The following ACAD11 variants were observed in gnomAD, a reference collection of about 807,000 sequenced individuals.
ACAD11 encodes the protein acyl-Coenzyme A dehydrogenase family, member 11.
A neutral mutation model predicts 102.2 loss-of-function variants in ACAD11; 83 were observed. The ratio of observed to expected loss-of-function variants is 0.81; its 90% CI spans 0.68 to 0.97. The LOEUF is 0.97. Ranked by LOEUF, ACAD11 falls within the 50% of genes least tolerant of loss-of-function variation. ACAD11 has a pLI of 0.00. For missense variants in ACAD11, 901 were observed against 951.7 expected (o/e 0.95, Z 0.70); for synonymous variants, 324 against 319.8 (o/e 1.01, Z -0.14).
At chr3:132,633,153 G>A (rs2107869434) in intron 5 of ACAD11, among the ~76,000 whole-genome samples, 1 of 152,330 alleles carries the variant, frequency 6.6e-6, no homozygotes, top group East Asian at 1.9e-4. Flanking sequence ...TCTTGTGCCA[G>A]TTTTCAAAGT....
chr3:132,569,684 G>A (rs915351193), intron 17 of ACAD11, among the ~76,000 whole-genome samples: 3 of 152,090 alleles, frequency 2.0e-5, no homozygotes, highest in African/African-American at 4.8e-5. Context: ...ATAAATCTCC[G>A]AGAAATTATG....
At position 132,644,894 on chromosome 3, in the gene ACAD11, GCT is replaced by G; in HGVS notation, c.150_151del (p.Arg50SerfsTer30). On this transcript the variant is annotated frameshift_variant and splice_region_variant, in exon 2 of 20. Coordinates refer to ENST00000264990, the MANE Select transcript of ACAD11 (RefSeq NM_032169.5). LOFTEE classifies it high-confidence loss of function. Reference sequence around the variant, plus strand: ...ATAAAAGGTTGGATTGGACTTTCCTGCTCTAGATAAAAGTAAAAAAAAAAAAG... The same window carrying G: ...ATAAAAGGTTGGATTGGACTTTCCTGCTAGATAAAAGTAAAAAAAAAAAAG... The G allele has an allele frequency of 6.3e-7, 1 of 1,588,324 alleles. No individual in the cohort carries two copies. Among genetic ancestry groups the G allele is most frequent in the Non-Finnish European group, 8.6e-7 (1 of 1,166,326 alleles).
At chr3:132,652,271 C>T (rs1266610548) in intron 1 of ACAD11, among the ~76,000 whole-genome samples, 1 of 152,164 alleles carries the variant, frequency 6.6e-6, no homozygotes, top group East Asian at 1.9e-4. Flanking sequence ...TCTTGCCTGA[C>T]TTCATGTAAG....
intron 5 of ACAD11, among the ~76,000 whole-genome samples, chr3:132,633,699 T>C (rs1034770173): frequency 1.3e-5 from 2 of 152,022 alleles, no homozygotes; most frequent in African/African-American, 4.8e-5. Context: ...GTACTGGTAC[T>C]AAAACAGAGT....
At chr3:132,609,171 T>A (rs1036138434) in intron 11 of ACAD11, among the ~76,000 whole-genome samples, 1 of 152,158 alleles carries the variant, frequency 6.6e-6, no homozygotes, top group Admixed American at 6.6e-5. Flanking sequence ...TAGCACTAAA[T>A]GCCCACAGGA....
At chr3:132,643,645 GA>G (rs1940607444) in intron 2 of ACAD11, among the ~76,000 whole-genome samples, 1 of 152,042 alleles carries the variant, frequency 6.6e-6, no homozygotes, top group Non-Finnish European at 1.5e-5. Context: ...GGAAAGTAAC[GA>G]AACCCATGTT....
chr3:132,599,933 A>G (rs1418287118), intron 13 of ACAD11, among the ~76,000 whole-genome samples: 2 of 152,188 alleles, frequency 1.3e-5, no homozygotes, highest in Non-Finnish European at 2.9e-5. Context: ...ATTTAAATAA[A>G]CCAAGTAATT....
chr3:132,559,935 A>G lies in ACAD11; in HGVS notation c.2126T>C (p.Met709Thr), dbSNP rs1445816218. The G allele has an allele frequency of 6.2e-6, 10 of 1,611,178 alleles. No homozygotes were observed. Among genetic ancestry groups the G allele is most frequent in the Non-Finnish European group, 8.5e-6 (10 of 1,178,006 alleles). The change falls in exon 19 of 20, where the codon ATG (methionine) becomes ACG (threonine). Residue 709 changes from methionine (M) to threonine (T), a missense_variant. Physicochemically the swap from Met to Thr is moderately conservative, Grantham distance 81. Coordinates refer to ENST00000264990, the MANE Select transcript of ACAD11 (RefSeq NM_032169.5). ...AGCCCGTGGGGCAGCCACTTTGATCATTGCAATCTATATAAGCAAAATATG... is the reference window on the plus strand; with the variant it reads ...AGCCCGTGGGGCAGCCACTTTGATCGTTGCAATCTATATAAGCAAAATATG... The part of the protein sequence containing the change: ...GSAGAKKEIA[M>T]IKVAAPRAVS...
chr3:132,580,460 T>G (rs1479906878), intron 13 of ACAD11, among the ~76,000 whole-genome samples: 1 of 151,816 alleles, frequency 6.6e-6, no homozygotes, highest in African/African-American at 2.4e-5. Context: ...AAAAGAGAGA[T>G]AGAGAAGTAG....
intron 14 of ACAD11, 94 bp from the exon 15 acceptor site, chr3:132,578,975 C>A: frequency 6.4e-7 from 1 of 1,556,644 alleles, no homozygotes; most frequent in Non-Finnish European, 8.7e-7. Context: ...TTGATGTTTT[C>A]ATGTAGTCAT....
intron 1 of ACAD11, among the ~76,000 whole-genome samples, chr3:132,654,935 C>T (rs373421309): frequency 6.6e-6 from 1 of 152,222 alleles, no homozygotes; most frequent in Non-Finnish European, 1.5e-5. Flanking sequence ...CTCTGTGGTA[C>T]AGCCTGCTGC....
chr3:132,648,903 C>T (rs749091035), intron 1 of ACAD11: 3 of 152,298 alleles, frequency 2.0e-5, no homozygotes, highest in Non-Finnish European at 2.9e-5. Flanking sequence ...CCTTGAGATG[C>T]TGTTAATCTG....
intron 8 of ACAD11, among the ~76,000 whole-genome samples, chr3:132,627,532 G>A (rs1939875197): frequency 6.6e-6 from 1 of 152,156 alleles, no homozygotes; most frequent in Non-Finnish European, 1.5e-5. Context: ...TATAGCTGCT[G>A]AATATTAGAT....
rs755754944 is a variant in ACAD11, at chr3:132,639,621, A to T, written c.573T>A (p.Ala191=). 31 of 1,613,562 alleles carry T rather than the reference A, an allele frequency of 1.9e-5. No individual in the cohort carries two copies. Among genetic ancestry groups the T allele is most frequent in the Non-Finnish European group, 2.5e-5 (29 of 1,179,834 alleles). The stretch of plus-strand genomic sequence containing the variant: ...GTTGCATGGCAGGGATGTCCTGATG[A>T]GCTGCAGCTTGATATTGCTTTGTCC... ...STWTKQYQAA[A]HQDIPAMQQL... is the part of the protein sequence containing the mutation. Residue 191 remains alanine, a synonymous_variant, in exon 5 of 20, where the codon GCT becomes GCA. Transcript: ENST00000264990.
chr3:132,571,604 G>T (rs886511041), intron 17 of ACAD11, among the ~76,000 whole-genome samples: 5 of 152,012 alleles, frequency 3.3e-5, no homozygotes, highest in Non-Finnish European at 5.9e-5. Flanking sequence ...GCATTGCGTA[G>T]GTTGTCTTCC....
chr3:132,578,708 A>G, intron 15 of ACAD11, 88 bp downstream of exon 15: 1 of 1,373,854 alleles, frequency 7.3e-7, no homozygotes, highest in Non-Finnish European at 1.0e-6. Flanking sequence ...AATCTATCTT[A>G]TGCATTAAAA....
chr3:132,614,360 T>C (rs1214429748), intron 11 of ACAD11, among the ~76,000 whole-genome samples: 2 of 152,222 alleles, frequency 1.3e-5, no homozygotes, highest in African/African-American at 4.8e-5. Context: ...AGAGCCCATA[T>C]AGTCAAGACA....
At chr3:132,593,992 T>C (rs1424640082) in intron 13 of ACAD11, among the ~76,000 whole-genome samples, 1 of 152,192 alleles carries the variant, frequency 6.6e-6, no homozygotes, top group African/African-American at 2.4e-5. Flanking sequence ...TTTTGTCAAA[T>C]TTCCCTATTA....
chr3:132,566,629 A>C (rs1050376599), intron 17 of ACAD11, among the ~76,000 whole-genome samples: 1 of 152,188 alleles, frequency 6.6e-6, no homozygotes, highest in African/African-American at 2.4e-5. Flanking sequence ...GTCAGAAGGA[A>C]GCAGCACAAT....
Sources: gnomAD v4.1 joint callset for allele counts (sites outside exome capture counted in the v4.1 genomes callset) on GRCh38, gnomAD v4.1.1 for gene constraint, MANE v1.5 for transcripts, NCBI Gene and HGNC (gene_info 2026-07-23, HGNC 2026-07-21) for gene names.